The following ATP8B4 variants were observed in gnomAD, a reference collection of about 807,000 sequenced individuals.
The protein encoded by ATP8B4 is probable phospholipid-transporting ATPase IM.
A neutral mutation model predicts 145.6 loss-of-function variants in ATP8B4; 133 were observed. The ratio of observed to expected loss-of-function variants is 0.91; its 90% CI spans 0.79 to 1.05. ATP8B4 has a LOEUF of 1.05. Among genes scored for constraint, ATP8B4 ranks in the 50% least tolerant of loss-of-function variants. The probability of loss-of-function intolerance (pLI) is 0.00; values close to 1 mark genes in which losing one functional copy is unlikely to be tolerated. For missense variants in ATP8B4, 1,458 were observed against 1,425.2 expected, an observed-to-expected ratio of 1.02 and a Z score of -0.37; for synonymous variants, 507 against 492.9, an observed-to-expected ratio of 1.03 and a Z score of -0.38.
At chr15:49,945,878 C>A (rs1016320442) in intron 14 of ATP8B4, among the ~76,000 whole-genome samples, 1 of 152,048 alleles carries the variant, frequency 6.6e-6, no homozygotes, top group Non-Finnish European at 1.5e-5. Flanking sequence ...ATATGAAAAA[C>A]CCACAGATAA....
intron 1 of ATP8B4, among the ~76,000 whole-genome samples, chr15:50,142,276 T>C (rs1460258738): frequency 6.6e-6 from 1 of 152,190 alleles, no homozygotes; most frequent in Admixed American, 6.5e-5. Context: ...TTTATGTTCA[T>C]TTTTTATGAA....
intron 1 of ATP8B4, among the ~76,000 whole-genome samples, chr15:50,158,313 C>A (rs1167406897): frequency 6.7e-6 from 1 of 149,778 alleles, no homozygotes; most frequent in African/African-American, 2.5e-5. Flanking sequence ...AAGTGAGGAG[C>A]GTCTCTGCCC....
chr15:50,004,800 G>T (rs186986718), intron 7 of ATP8B4, among the ~76,000 whole-genome samples: 212 of 152,276 alleles, frequency 1.4e-3, no homozygotes, highest in Non-Finnish European at 1.9e-3. Flanking sequence ...GGCATATACT[G>T]CAAGGGATAC....
chr15:49,879,550 G>A, intron 23 of ATP8B4, 91 bp from the exon 24 acceptor site: 10 of 1,142,596 alleles, frequency 8.8e-6, no homozygotes, highest in South Asian at 4.6e-5. Context: ...TTTCTGAGGT[G>A]GGTGGGAGTT....
At chr15:49,970,071 C>T (rs982213722) in intron 13 of ATP8B4, among the ~76,000 whole-genome samples, 1 of 152,020 alleles carries the variant, frequency 6.6e-6, no homozygotes, top group Non-Finnish European at 1.5e-5. Context: ...AAATTCAGCA[C>T]CCCTTCATGC....
chr15:50,150,028 G>A (rs2044327002), intron 1 of ATP8B4, among the ~76,000 whole-genome samples: 1 of 151,978 alleles, frequency 6.6e-6, no homozygotes, highest in Non-Finnish European at 1.5e-5. Context: ...TTGAACCCGG[G>A]AGGTGGAGGT....
At chr15:49,953,321 T>C (rs1294989706) in intron 14 of ATP8B4, among the ~76,000 whole-genome samples, 1 of 152,138 alleles carries the variant, frequency 6.6e-6, no homozygotes, top group Admixed American at 6.5e-5. Flanking sequence ...AGAGGCTAAG[T>C]CTGCTGGTGC....
intron 6 of ATP8B4, among the ~76,000 whole-genome samples, chr15:50,013,016 TA>T (rs1326443980): frequency 6.6e-6 from 1 of 152,156 alleles, no homozygotes; most frequent in South Asian, 2.1e-4. Context: ...TAAAGACCTA[TA>T]AACAAATTTA....
At chr15:49,923,766 C>G (rs1372412445) in intron 16 of ATP8B4, among the ~76,000 whole-genome samples, 1 of 152,118 alleles carries the variant, frequency 6.6e-6, no homozygotes, top group Non-Finnish European at 1.5e-5. Context: ...TCCTGTTTTC[C>G]TTGCTTACTA....
At chr15:49,950,348 G>T (rs1024552623) in intron 14 of ATP8B4, among the ~76,000 whole-genome samples, 1 of 152,012 alleles carries the variant, frequency 6.6e-6, no homozygotes, top group African/African-American at 2.4e-5. Context: ...CTTGTTATTG[G>T]TCTACTCAAG....
intron 14 of ATP8B4, among the ~76,000 whole-genome samples, chr15:49,934,730 G>C (rs1336271855): frequency 1.3e-5 from 2 of 152,028 alleles, no homozygotes; most frequent in Non-Finnish European, 2.9e-5. Flanking sequence ...TCTACAACCA[G>C]AAAATCCTAA....
chr15:50,055,773 C>G (rs547665232), intron 3 of ATP8B4, among the ~76,000 whole-genome samples: 1 of 152,288 alleles, frequency 6.6e-6, no homozygotes, highest in East Asian at 1.9e-4. Flanking sequence ...ATTGTGTCCA[C>G]AAACTACTGG....
intron 2 of ATP8B4, among the ~76,000 whole-genome samples, chr15:50,091,639 G>A (rs961213888): frequency 6.6e-6 from 1 of 152,062 alleles, no homozygotes; most frequent in Admixed American, 6.6e-5. Context: ...CCTGACTAAA[G>A]TTTAGCTCAT....
intron 23 of ATP8B4, among the ~76,000 whole-genome samples, chr15:49,893,442 A>G (rs890330877): frequency 1.4e-4 from 22 of 152,250 alleles, no homozygotes; most frequent in African/African-American, 5.3e-4. Context: ...AATGTAGTAT[A>G]TACATACAAT....
chr15:50,076,066 T>C (rs2054150324), intron 2 of ATP8B4, among the ~76,000 whole-genome samples: 1 of 152,204 alleles, frequency 6.6e-6, no homozygotes, highest in South Asian at 2.1e-4. Context: ...TTTAGCTTGT[T>C]TCATATACAT....
intron 9 of ATP8B4, among the ~76,000 whole-genome samples, chr15:49,992,469 A>G (rs1321284068): frequency 1.3e-5 from 2 of 152,174 alleles, no homozygotes; most frequent in East Asian, 1.9e-4. Context: ...GATGAAAGAA[A>G]TAAGTCCACC....
Position 49,876,266 on chromosome 15 carries a change from C to G in ATP8B4, c.3027+12G>C. On this transcript the variant is annotated intron_variant, in intron 25 of 27. Transcript: ENST00000284509. ...ACCCATCAAGTTAAGGTGCTTACACCGACAGCGTTACCTGCACACTGACCA... is the reference window on the plus strand; with the variant it reads ...ACCCATCAAGTTAAGGTGCTTACACGGACAGCGTTACCTGCACACTGACCA... 2 of 1,612,068 alleles carry G rather than the reference C, an allele frequency of 1.2e-6. No individual in the cohort carries two copies. The highest frequency in any genetic ancestry group is 1.1e-5 in the South Asian group (1 of 90,864).
upstream of ATP8B4, among the ~76,000 whole-genome samples, chr15:50,120,971 C>A (rs71469679): frequency 0.1 from 15,626 of 152,056 alleles, 1,032 homozygotes; most frequent in Middle Eastern, 0.15. Flanking sequence ...GTGCCTGGAG[C>A]AAAGTAGAGA....
chr15:50,085,835 T>A (rs1039519081), intron 2 of ATP8B4, among the ~76,000 whole-genome samples: 93 of 119,420 alleles, frequency 7.8e-4, no homozygotes, highest in African/African-American at 2.7e-3. Flanking sequence ...ATATATATGA[T>A]ATAGATTATT....
Sources: gnomAD v4.1 joint callset for allele counts (sites outside exome capture counted in the v4.1 genomes callset) on GRCh38, gnomAD v4.1.1 for gene constraint, MANE v1.5 for transcripts, NCBI Gene and HGNC (gene_info 2026-07-23, HGNC 2026-07-21) for gene names.